Variants in SAXO1 observed in about 807,000 individuals in gnomAD.
The protein encoded by SAXO1 is 4930500O09Rik.
Under a neutral mutation model 17.5 loss-of-function variants are expected in SAXO1, and 21 were observed. That is an observed-to-expected ratio of 1.20 (90% CI 0.85 to 1.72). SAXO1 has a LOEUF of 1.72. SAXO1 is among the 40% of genes most tolerant of loss of function. SAXO1 has a pLI of 0.00. For missense variants in SAXO1, 843 were observed against 596.0 expected, an observed-to-expected ratio of 1.41 and a Z score of -4.32; for synonymous variants, 274 against 216.5, an observed-to-expected ratio of 1.27 and a Z score of -2.33.
chr9:18,960,694 A>G (rs554183687), intron 1 of SAXO1, among the ~76,000 whole-genome samples: 3 of 152,258 alleles, frequency 2.0e-5, no homozygotes, highest in Admixed American at 2.0e-4. Flanking sequence ...AAGGCAAAAG[A>G]CACATGAGTC....
At chr9:19,020,354 TTTTTTG>T (rs1372875378) in intron 1 of SAXO1, among the ~76,000 whole-genome samples, 1 of 109,110 alleles carries the variant, frequency 9.2e-6, no homozygotes, top group Non-Finnish European at 2.4e-5. Flanking sequence ...ATTTTTTTTT[TTTTTTG>T]TGAGACAGGG....
At chr9:18,969,628 G>C (rs896312786) in intron 1 of SAXO1, among the ~76,000 whole-genome samples, 10 of 152,126 alleles carry the variant, frequency 6.6e-5, no homozygotes, top group African/African-American at 1.7e-4. Context: ...TAGATTCCTT[G>C]GTGAGAAAGG....
chr9:19,018,896 G>C (rs1835109066), intron 1 of SAXO1, among the ~76,000 whole-genome samples: 1 of 152,044 alleles, frequency 6.6e-6, no homozygotes, highest in Non-Finnish European at 1.5e-5. Context: ...GATCACCTGA[G>C]GTCAGGAGTT....
At chr9:18,933,874 G>C (rs567838373) in intron 3 of SAXO1, among the ~76,000 whole-genome samples, 22 of 152,136 alleles carry the variant, frequency 1.4e-4, no homozygotes, top group African/African-American at 4.3e-4. Flanking sequence ...GTGAAACCCT[G>C]TCTCTACTAA....
At chr9:18,930,262 C>A (rs1291845356) in intron 3 of SAXO1, among the ~76,000 whole-genome samples, 1 of 152,176 alleles carries the variant, frequency 6.6e-6, no homozygotes, top group African/African-American at 2.4e-5. Flanking sequence ...TCCAGAGGAA[C>A]CTCTGCTGTG....
At chr9:19,015,744 G>C (rs984052681) in intron 1 of SAXO1, among the ~76,000 whole-genome samples, 13 of 151,076 alleles carry the variant, frequency 8.6e-5, no homozygotes, top group African/African-American at 2.7e-4. Context: ...CTCCCAAGTT[G>C]CTGGGATTAC....
intron 1 of SAXO1, among the ~76,000 whole-genome samples, chr9:18,956,161 G>A (rs1832252170): frequency 6.8e-6 from 1 of 146,206 alleles, no homozygotes; most frequent in African/African-American, 2.6e-5. Context: ...ATGTTGCCCA[G>A]GCTGGTCTCA....
intron 1 of SAXO1, among the ~76,000 whole-genome samples, chr9:18,990,353 T>G (rs1833767334): frequency 6.6e-6 from 1 of 152,142 alleles, no homozygotes; most frequent in Admixed American, 6.5e-5. Flanking sequence ...TGGGACAATT[T>G]TACAGATTTG....
chr9:18,972,894 G>T (rs1833004229), intron 1 of SAXO1, among the ~76,000 whole-genome samples: 1 of 152,154 alleles, frequency 6.6e-6, no homozygotes, highest in South Asian at 2.1e-4. Flanking sequence ...ACATGGGGAG[G>T]CAAAGTCCAT....
At chr9:18,974,588 T>C (rs1354386870) in intron 1 of SAXO1, among the ~76,000 whole-genome samples, 6 of 152,208 alleles carry the variant, frequency 3.9e-5, no homozygotes, top group Admixed American at 1.3e-4. Flanking sequence ...CAAAAGGACA[T>C]GGGAGCCAAC....
At chr9:19,029,701 G>C (rs1413197628) in intron 1 of SAXO1, among the ~76,000 whole-genome samples, 2 of 152,182 alleles carry the variant, frequency 1.3e-5, no homozygotes, top group Non-Finnish European at 2.9e-5. Context: ...GCCGGTATGG[G>C]AGTGACTATA....
chr9:18,977,496 C>T (rs553379420), intron 1 of SAXO1, among the ~76,000 whole-genome samples: 1 of 152,204 alleles, frequency 6.6e-6, no homozygotes, highest in East Asian at 1.9e-4. Context: ...CAAGATCTTT[C>T]GTTCGGTGAG....
chr9:19,013,357 T>G (rs1212898658), intron 1 of SAXO1, among the ~76,000 whole-genome samples: 4 of 152,022 alleles, frequency 2.6e-5, no homozygotes, highest in Non-Finnish European at 5.9e-5. Flanking sequence ...TTCTTAGAGA[T>G]TAGATTGCCC....
At chr9:19,025,521 C>A (rs1835437083) in intron 1 of SAXO1, among the ~76,000 whole-genome samples, 1 of 152,182 alleles carries the variant, frequency 6.6e-6, no homozygotes, top group African/African-American at 2.4e-5. Context: ...AGATACATGG[C>A]TGCCCCTGAG....
At chr9:18,968,758 T>C (rs1214387770) in intron 1 of SAXO1, among the ~76,000 whole-genome samples, 5 of 152,106 alleles carry the variant, frequency 3.3e-5, no homozygotes, top group Non-Finnish European at 5.9e-5. Context: ...TACACCTGGC[T>C]AATTTTTGTA....
At chr9:19,014,640 C>T (rs1834893622) in intron 1 of SAXO1, among the ~76,000 whole-genome samples, 1 of 152,040 alleles carries the variant, frequency 6.6e-6, no homozygotes, top group African/African-American at 2.4e-5. Flanking sequence ...TTTGAAACTA[C>T]AAGATGCTTT....
intron 2 of SAXO1, among the ~76,000 whole-genome samples, chr9:18,946,798 T>C (rs1051669275): frequency 5.9e-5 from 9 of 151,964 alleles, no homozygotes; most frequent in African/African-American, 1.7e-4. Context: ...TTAGGTAAAA[T>C]AAATAGAAAC....
At chr9:19,014,730 G>C (rs1190570504) in intron 1 of SAXO1, among the ~76,000 whole-genome samples, 1 of 152,080 alleles carries the variant, frequency 6.6e-6, no homozygotes, top group Admixed American at 6.5e-5. Flanking sequence ...CCACAGCTTT[G>C]TCACAGGTAT....
intron 3 of SAXO1, among the ~76,000 whole-genome samples, chr9:18,931,368 A>C (rs1831042435): frequency 6.6e-6 from 1 of 152,168 alleles, no homozygotes; most frequent in South Asian, 2.1e-4. Flanking sequence ...TTTATTGTTG[A>C]ATAATATTAT....
Sources: allele counts gnomAD v4.1 joint callset (sites outside exome capture counted in the v4.1 genomes callset), GRCh38; gene constraint gnomAD v4.1.1; transcripts MANE v1.5; gene names NCBI Gene and HGNC (gene_info 2026-07-23, HGNC 2026-07-21).